Variants in BCAS3 observed in about 807,000 individuals in gnomAD.
The protein encoded by BCAS3 is BCAS3 microtubule associated cell migration factor.
BCAS3 carries 53 observed loss-of-function variants against 116.1 expected under a neutral mutation model. The observed-to-expected ratio is 0.46, with a 90% confidence interval of 0.37 to 0.57. The LOEUF is 0.57. BCAS3 is among the 20% of genes least tolerant of loss of function. The pLI, the probability that BCAS3 is intolerant of heterozygous loss-of-function variation, is 0.00. For synonymous variants in BCAS3, 391 were observed against 408.2 expected, an observed-to-expected ratio of 0.96 and a Z score of 0.51; for missense variants, 917 against 1,165.4, an observed-to-expected ratio of 0.79 and a Z score of 3.10.
At chr17:60,942,362 G>A (rs2060270081) in intron 13 of BCAS3, among the ~76,000 whole-genome samples, 1 of 152,176 alleles carries the variant, frequency 6.6e-6, no homozygotes, top group Non-Finnish European at 1.5e-5. Context: ...GGGAGGCGGA[G>A]GTTGCAGTGA....
intron 22 of BCAS3, among the ~76,000 whole-genome samples, chr17:61,334,985 G>A (rs546639069): frequency 3.3e-5 from 5 of 152,310 alleles, no homozygotes; most frequent in South Asian, 4.1e-4. Context: ...CCTGACTGAG[G>A]TCCTGAACCT....
intron 14 of BCAS3, among the ~76,000 whole-genome samples, chr17:60,966,806 C>T (rs2061687478): frequency 1.3e-5 from 2 of 151,840 alleles, no homozygotes; most frequent in Non-Finnish European, 2.9e-5. Context: ...ACATGTGCCA[C>T]CATGTCCAGC....
chr17:61,110,402 G>A (rs916357884), intron 22 of BCAS3, among the ~76,000 whole-genome samples: 5 of 152,234 alleles, frequency 3.3e-5, no homozygotes, highest in East Asian at 1.9e-4. Context: ...TGCGCAAGCC[G>A]AAGCAGGGCG....
chr17:60,910,399 G>A (rs919820405), intron 11 of BCAS3, 133 bp from the exon 12 acceptor site: 9 of 656,218 alleles, frequency 1.4e-5, no homozygotes, highest in East Asian at 3.3e-5. Flanking sequence ...CTGAATGTCT[G>A]TGACAGTTTA....
At chr17:61,049,722 T>A (rs1390867508) in intron 19 of BCAS3, among the ~76,000 whole-genome samples, 1 of 147,032 alleles carries the variant, frequency 6.8e-6, no homozygotes, top group Non-Finnish European at 1.5e-5. Flanking sequence ...TTTCTTTTCT[T>A]TTCTTTTCTT....
chr17:60,787,474 A>G (rs1018722586), intron 6 of BCAS3, among the ~76,000 whole-genome samples: 2 of 152,192 alleles, frequency 1.3e-5, no homozygotes, highest in African/African-American at 4.8e-5. Flanking sequence ...TGGGTTGGAT[A>G]TTGCTTTGAG....
intron 22 of BCAS3, among the ~76,000 whole-genome samples, chr17:61,294,673 T>G (rs12948356): frequency 0.61 from 92,807 of 152,066 alleles, 30,161 homozygotes; most frequent in East Asian, 0.76. Context: ...ACTCTTCTGT[T>G]TCATCTCTTC....
At position 61,355,713 on chromosome 17, in the gene BCAS3, A is replaced by C. The variant is rs148446739; in HGVS notation, c.2426-12614A>C. Among the ~76,000 whole-genome samples the C allele has an allele frequency of 5.7e-3, 872 of 152,366 alleles. 9 individuals carry two copies. Among genetic ancestry groups the C allele is most frequent in the African/African-American group, 0.02 (820 of 41,590 alleles). ...TATAAAGTAGCTATGCCTGATGCAA[A>C]GTGGACACCCGACAAATGTTAGTTA... On this transcript the variant is annotated intron_variant, in intron 22 of 23. Transcript: ENST00000407086. The surrounding 1 kb of genome is among the most constrained non-coding windows in gnomAD (Gnocchi z 4.2).
chr17:61,159,632 G>A (rs1214078767), intron 22 of BCAS3, among the ~76,000 whole-genome samples: 1 of 152,216 alleles, frequency 6.6e-6, no homozygotes, highest in Non-Finnish European at 1.5e-5. Context: ...CTCAACAGTA[G>A]TGAAAACACC....
At chr17:61,061,848 G>A (rs557555092) in intron 19 of BCAS3, among the ~76,000 whole-genome samples, 2 of 152,230 alleles carry the variant, frequency 1.3e-5, no homozygotes, top group South Asian at 2.1e-4. Context: ...AAAAAACAAC[G>A]TGTTTGAGCA....
rs1246641708 is a variant in BCAS3, at chr17:61,117,786, A to G, written c.2425+33222A>G. On this transcript the variant is annotated intron_variant, in intron 22 of 23. Transcript: ENST00000407086. ...ATACTCCCTGCCACCCCCTACATGC[A>G]TAGCCTCGCCTGTTATCAAGATCCC... 2.0e-5 allele frequency among the ~76,000 whole-genome samples: 3 copies of G among 152,156 alleles called. No individual in the cohort carries two copies. The East Asian group carries it at 5.8e-4, about 29-fold the overall frequency.
chr17:61,318,271 G>T (rs926261907), intron 22 of BCAS3, among the ~76,000 whole-genome samples: 1 of 152,226 alleles, frequency 6.6e-6, no homozygotes, highest in African/African-American at 2.4e-5. Context: ...TACAGGTGAC[G>T]TCCATCTAGG....
At chr17:61,242,437 T>C (rs2047603838) in intron 22 of BCAS3, among the ~76,000 whole-genome samples, 1 of 152,144 alleles carries the variant, frequency 6.6e-6, no homozygotes, top group African/African-American at 2.4e-5. Flanking sequence ...GGAAGTCTAT[T>C]TTAGACCAAA....
rs982551336 is a variant in BCAS3, at chr17:61,337,743, A to G, written c.2426-30584A>G. Among the ~76,000 whole-genome samples, 1 of 152,050 alleles carries G rather than the reference A, an allele frequency of 6.6e-6. No homozygotes were observed. Among genetic ancestry groups the G allele is most frequent in the African/African-American group, 2.4e-5 (1 of 41,366 alleles). The stretch of plus-strand genomic sequence containing the variant: ...GATCTACTCCCTCTCCTCTAGCCTT[A>G]AAGTGTCCACTAGGTTCTTGGCTGA... On this transcript the variant is annotated intron_variant, in intron 22 of 23. Transcript: ENST00000407086. This position sits in a 1 kb window ranked among gnomAD's most constrained non-coding sequence, Gnocchi z 4.8.
intron 7 of BCAS3, among the ~76,000 whole-genome samples, chr17:60,814,109 T>G (rs1432324694): frequency 5.9e-5 from 9 of 152,166 alleles, no homozygotes; most frequent in Non-Finnish European, 1.3e-4. Context: ...ATCTATAGAT[T>G]GCTTTGGGTA....
intron 12 of BCAS3, among the ~76,000 whole-genome samples, chr17:60,921,204 A>G (rs1477659111): frequency 6.6e-6 from 1 of 152,228 alleles, no homozygotes; most frequent in African/African-American, 2.4e-5. Context: ...TGTGCTATTC[A>G]TCACCATGGA....
At chr17:61,090,425 C>T (rs868550490) in intron 22 of BCAS3, among the ~76,000 whole-genome samples, 2 of 152,212 alleles carry the variant, frequency 1.3e-5, no homozygotes, top group East Asian at 1.9e-4. Context: ...AACAATCCCT[C>T]AGAGGGGAAA....
intron 8 of BCAS3, among the ~76,000 whole-genome samples, chr17:60,872,191 C>A (rs2055165331): frequency 6.6e-6 from 1 of 151,550 alleles, no homozygotes; most frequent in Admixed American, 6.6e-5. Context: ...CTGACAGTTT[C>A]TAGTTTTAAA....
intron 2 of BCAS3, 122 bp from the exon 3 acceptor site, chr17:60,683,855 CAAAAA>C: frequency 3.6e-6 from 3 of 843,612 alleles, no homozygotes; most frequent in Non-Finnish European, 5.5e-6. Context: ...ACAAAACAAA[CAAAAA>C]AACCCCAAAA....
Sources: allele counts gnomAD v4.1 joint callset (sites outside exome capture counted in the v4.1 genomes callset), GRCh38; gene constraint gnomAD v4.1.1; non-coding constraint Gnocchi (gnomAD v3.1); transcripts MANE v1.5; gene names NCBI Gene and HGNC (gene_info 2026-07-23, HGNC 2026-07-21).